The following FAM117B variants were observed in gnomAD, a reference collection of about 807,000 sequenced individuals.
FAM117B encodes family with sequence similarity 117 member B, also known as protein FAM117B.
A neutral mutation model predicts 52.8 loss-of-function variants in FAM117B; 22 were observed. The observed-to-expected ratio is 0.42, with a 90% CI of 0.30 to 0.59. The LOEUF is 0.59. Ranked by LOEUF, FAM117B falls within the 20% of genes least tolerant of loss-of-function variation. FAM117B has a pLI of 0.22. For synonymous variants in FAM117B, 309 were observed against 324.1 expected (o/e 0.95, Z 0.50); for missense variants, 678 against 802.6 (o/e 0.84, Z 1.88).
rs562084491 is a variant in FAM117B, at chr2:202,751,197, T to G, written c.961-4341T>G. 1.2e-4 allele frequency among the ~76,000 whole-genome samples: 18 copies of G among 152,326 alleles called. No homozygotes were observed. The South Asian group carries it at 3.5e-3, about 30-fold the overall frequency. On this transcript the variant is annotated intron_variant, in intron 4 of 7. Transcript: ENST00000392238. ...TAAAAATTGCATCATTCTTTACAGA[T>G]CACTCTGTGTTACTTGAAGTTTATA... is the stretch of plus-strand genomic sequence containing the variant.
chr2:202,651,658 G>A (rs182137623), intron 1 of FAM117B, among the ~76,000 whole-genome samples: 4 of 152,236 alleles, frequency 2.6e-5, no homozygotes, highest in Non-Finnish European at 5.9e-5. Flanking sequence ...ACAGGCGTGA[G>A]CCACCACGCC....
At chr2:202,672,612 C>T (rs375783702) in intron 1 of FAM117B, among the ~76,000 whole-genome samples, 19 of 152,134 alleles carry the variant, frequency 1.2e-4, no homozygotes, top group East Asian at 5.8e-4. Flanking sequence ...ACTTCACATT[C>T]TTATATAAGT....
At chr2:202,707,061 T>A (rs1690881837) in intron 2 of FAM117B, among the ~76,000 whole-genome samples, 1 of 151,268 alleles carries the variant, frequency 6.6e-6, no homozygotes, top group Non-Finnish European at 1.5e-5. Flanking sequence ...TTTATTTTTA[T>A]TTTTTTAGGG....
At chr2:202,714,574 C>A (rs1358439531) in intron 2 of FAM117B, among the ~76,000 whole-genome samples, 1 of 110,600 alleles carries the variant, frequency 9.0e-6, no homozygotes, top group African/African-American at 3.5e-5. Context: ...GGGTGTTTCT[C>A]GCAGAGGGGG....
chr2:202,645,490 T>C lies in FAM117B; in HGVS notation c.601+9702T>C, dbSNP rs369288355. On this transcript the variant is annotated intron_variant, in intron 1 of 7. Transcript: ENST00000392238. ...ATTTTTAGTAGAGACGGGGTTTCAC[T>C]GTGTTAGCCAGGATGGTCTTGATCT... Among the ~76,000 whole-genome samples the C allele has an allele frequency of 1.8e-3, 264 of 148,178 alleles. 1 individual carries two copies. The highest frequency in any genetic ancestry group is 6.4e-3 in the African/African-American group (256 of 40,168).
intron 4 of FAM117B, among the ~76,000 whole-genome samples, chr2:202,737,117 A>G (rs559047377): frequency 1.3e-4 from 20 of 152,236 alleles, no homozygotes; most frequent in Admixed American, 5.2e-4. Context: ...GACTTCATCT[A>G]TAACAGGTAC....
chr2:202,749,738 G>A (rs1033771259), intron 4 of FAM117B, among the ~76,000 whole-genome samples: 33 of 152,032 alleles, frequency 2.2e-4, no homozygotes, highest in Admixed American at 7.9e-4. Context: ...AGACCAGCCC[G>A]GGCAACATAG....
rs1559091986 is a variant in FAM117B, at chr2:202,640,295, A to ATATATAT, written c.601+4507_601+4508insTATATAT. 9.1e-3 allele frequency among the ~76,000 whole-genome samples: 467 copies of ATATATAT among 51,296 alleles called. 78 individuals are homozygous for ATATATAT. Among genetic ancestry groups the ATATATAT allele is most frequent in the Non-Finnish European group, 0.012 (353 of 29,202 alleles). The allele number at this position is 51,296 out of a possible 152,430, so 33.7% of individuals were successfully genotyped here. On this transcript the variant is annotated intron_variant, in intron 1 of 7. Coordinates refer to ENST00000392238, the MANE Select transcript of FAM117B (RefSeq NM_173511.4). ...ACAACAACCACCACCACCACCACAA[A>ATATATAT]ATATATATATATATATATATATATA...
chr2:202,675,469 G>T (rs1231669993), intron 1 of FAM117B, among the ~76,000 whole-genome samples: 1 of 59,546 alleles, frequency 1.7e-5, no homozygotes, highest in African/African-American at 6.0e-5. Flanking sequence ...AAAAAAAAAA[G>T]GCCAAGTGCT....
Position 202,635,039 on chromosome 2 carries a change from G to A in FAM117B, c.-149G>A. 1 of 1,107,488 alleles carries A rather than the reference G, an allele frequency of 9.0e-7. No homozygotes were observed. The highest frequency in any genetic ancestry group is 1.2e-6 in the Non-Finnish European group (1 of 867,080). 68.6% of individuals were successfully genotyped at this position (1,107,488 alleles called of 1,614,324 possible). ...CGGCTGCACCACCTCGTTGCTGCCTGCCCCGGCCCGGTCTCCCCCTGCACC... is the reference window on the plus strand; with the variant it reads ...CGGCTGCACCACCTCGTTGCTGCCTACCCCGGCCCGGTCTCCCCCTGCACC... On this transcript the variant is annotated 5_prime_UTR_variant, in exon 1 of 8. Coordinates refer to ENST00000392238, the MANE Select transcript of FAM117B (RefSeq NM_173511.4).
At chr2:202,738,510 A>G (rs1574576141) in intron 4 of FAM117B, among the ~76,000 whole-genome samples, 1 of 152,246 alleles carries the variant, frequency 6.6e-6, no homozygotes, top group Non-Finnish European at 1.5e-5. Flanking sequence ...ATTATCTAAG[A>G]TTAGTGAAGT....
intron 1 of FAM117B, among the ~76,000 whole-genome samples, chr2:202,644,081 T>TTTTTTTTTTTTTTTTA (rs1689821778): frequency 6.8e-6 from 1 of 147,464 alleles, no homozygotes; most frequent in African/African-American, 2.5e-5. Context: ...TTTTTTTTTT[T>TTTTTTTTTTTTTTTTA]TTTCAGTTTT....
intron 4 of FAM117B, among the ~76,000 whole-genome samples, chr2:202,731,362 T>TATAC (rs1691345527): frequency 7.6e-6 from 1 of 131,340 alleles, no homozygotes; most frequent in East Asian, 2.3e-4. Flanking sequence ...TATATATATA[T>TATAC]ATATATGGAG....
chr2:202,650,947 A>G (rs1330054951), intron 1 of FAM117B, among the ~76,000 whole-genome samples: 1 of 152,028 alleles, frequency 6.6e-6, no homozygotes, highest in Non-Finnish European at 1.5e-5. Context: ...CAACACCCTC[A>G]CAAACAAACC....
rs377673937 is a variant in FAM117B at position 202,739,540 on chromosome 2, C to T, written c.960+13177C>T. Among the ~76,000 whole-genome samples, 29 of 150,888 alleles carry T rather than the reference C, an allele frequency of 1.9e-4. No individual in the cohort carries two copies. In the East Asian group the frequency reaches 2.2e-3, roughly 11 times the overall value. ...TGGAGTGACCATGTCACTGCAGCCT[C>T]AACCTCCTGGGCTCAAGTGATCCTC... On this transcript the variant is annotated intron_variant, in intron 4 of 7. Transcript: ENST00000392238.
chr2:202,639,972 A>G (rs1311437128), intron 1 of FAM117B, among the ~76,000 whole-genome samples: 4 of 151,976 alleles, frequency 2.6e-5, no homozygotes, highest in African/African-American at 9.7e-5. Context: ...GGTGTGTGGT[A>G]TAATAAAAAA....
rs765894213 is a variant in FAM117B, at chr2:202,765,675, C to G, written c.1681C>G (p.Gln561Glu). ...GGCCTCCCTGTCTACAAACACAGAGCAAGACCGAGTCTCTCGAGGAACAAG... is the reference window on the plus strand; with the variant it reads ...GGCCTCCCTGTCTACAAACACAGAGGAAGACCGAGTCTCTCGAGGAACAAG... Reference protein sequence around the residue: ...AVASLSTNTEQDRVSRGTSTV... With the variant: ...AVASLSTNTEEDRVSRGTSTV... The change falls in exon 8 of 8, where the codon CAA becomes GAA. Residue 561 changes from glutamine to glutamate, a missense_variant. Gln to Glu is a conservative substitution (Grantham distance 29, BLOSUM62 2). Around this residue, in one of 3 missense-constraint regions of FAM117B, gnomAD observed 68 missense variants for 80.6 expected, o/e 0.84. Transcript: ENST00000392238. 1.9e-6 allele frequency: 3 copies of G among 1,614,154 alleles called. No individual in the cohort carries two copies. The South Asian group carries it at 3.3e-5, about 18-fold the overall frequency.
intron 6 of FAM117B, among the ~76,000 whole-genome samples, 163 bp downstream of exon 6, chr2:202,757,601 T>C (rs537113246): frequency 1.1e-4 from 16 of 152,374 alleles, no homozygotes; most frequent in South Asian, 8.3e-4. Context: ...TTGACTGTCA[T>C]GCTCAGTTGA....
intron 1 of FAM117B, among the ~76,000 whole-genome samples, chr2:202,638,696 C>T (rs1385363064): frequency 2.0e-5 from 3 of 152,136 alleles, no homozygotes; most frequent in East Asian, 1.9e-4. Flanking sequence ...TGGCCAGGCG[C>T]GGTGGCTCAC....
Sources: allele counts gnomAD v4.1 joint callset (sites outside exome capture counted in the v4.1 genomes callset), GRCh38; gene constraint gnomAD v4.1.1; regional missense constraint gnomAD v4.1.1; transcripts MANE v1.5; gene names NCBI Gene and HGNC (gene_info 2026-07-23, HGNC 2026-07-21).